Variants in TCHH observed in about 807,000 individuals in gnomAD.
The protein encoded by TCHH is trichohyalin.
Under a neutral mutation model 6.3 loss-of-function variants are expected in TCHH, and 6 were observed. The observed-to-expected ratio is 0.95, with a 90% CI of 0.52 to 1.88. The LOEUF (loss-of-function observed/expected upper bound fraction) is 1.88, where lower values mean the gene tolerates loss of function less well. Among genes scored for constraint, TCHH ranks in the 40% most tolerant of loss-of-function variants. The pLI is 0.01. For missense variants in TCHH, 2,920 were observed against 2,449.1 expected (o/e 1.19, Z -4.06); for synonymous variants, 1,087 against 963.6 (o/e 1.13, Z -2.37).
chr1:152,109,408 A>T lies in TCHH; in HGVS notation c.3809T>A (p.Leu1270Gln). ...ATCTCGCTCTTGCTGTTCACCCAGCAGGTGCTGCAGATCTTGCTGGGATTG... is the reference window on the plus strand; with the variant it reads ...ATCTCGCTCTTGCTGTTCACCCAGCTGGTGCTGCAGATCTTGCTGGGATTG... The part of the protein sequence containing the change: ...DRQSQQDLQH[L>Q]LGEQQERDRE... The change falls in exon 3 of 3, where the codon CTG becomes CAG. Residue 1270 changes from leucine (L) to glutamine (Q), a missense_variant. Leu to Gln is a moderately radical substitution (Grantham distance 113). Transcript: ENST00000614923. 6.2e-7 allele frequency: 1 copy of T among 1,613,520 alleles called. No homozygotes were observed. The highest frequency in any genetic ancestry group is 8.5e-7 in the Non-Finnish European group (1 of 1,179,474).
At position 152,109,236 on chromosome 1, in the gene TCHH, C is replaced by G; in HGVS notation, c.3981G>C (p.Glu1327Asp). Reference protein sequence around the residue: ...EKQLLREEREEKRRRQETDRK... With the variant: ...EKQLLREEREDKRRRQETDRK... ...TGTCTGTCTCTTGACGGCGTCTCTT[C>G]TCTTCTCTTTCCTCTCTCAGCAACT... Residue 1327 changes from glutamate to aspartate, a missense_variant, in exon 3 of 3, where the codon GAG (glutamate) becomes GAC (aspartate). Glu to Asp is a conservative substitution (Grantham distance 45). Coordinates refer to ENST00000614923, the MANE Select transcript of TCHH (RefSeq NM_007113.4). 1 of 1,614,248 alleles carries G rather than the reference C, an allele frequency of 6.2e-7. No individual in the cohort carries two copies. Among genetic ancestry groups the G allele is most frequent in the South Asian group, 1.1e-5 (1 of 91,088 alleles).
intron 2 of TCHH, among the ~76,000 whole-genome samples, chr1:152,113,736 G>C (rs1171603525): frequency 6.6e-6 from 1 of 152,172 alleles, no homozygotes; most frequent in East Asian, 1.9e-4. Flanking sequence ...CATTCACATG[G>C]CCATGCCATC....
At position 152,110,009 on chromosome 1, in the gene TCHH, T is replaced by C. The variant is rs1658270038; in HGVS notation, c.3208A>G (p.Thr1070Ala). Reference protein sequence around the residue: ...EEQLLGEERETRRRQELERQY... With the variant: ...EEQLLGEEREARRRQELERQY... ...CTCTCCAGCTCCTGGCGCCTTCTCG[T>C]CTCCCGTTCCTCTCCCAGCAGCTGC... is the stretch of plus-strand genomic sequence containing the variant. The change falls in exon 3 of 3, where the codon ACG becomes GCG. Residue 1070 changes from threonine (T) to alanine (A), a missense_variant. Thr to Ala is a moderately conservative substitution (Grantham distance 58). Transcript: ENST00000614923. 6.5e-7 allele frequency: 1 copy of C among 1,536,176 alleles called. No homozygotes were observed. The highest frequency in any genetic ancestry group is 1.9e-5 in the Admixed American group (1 of 52,842).
In TCHH at chr1:152,109,808, C is replaced by T; in HGVS notation, c.3409G>A (p.Glu1137Lys). Reference sequence around the variant, plus strand: ...TCCTCTTCCTCCCGATATTGCCTCTCCAGCTCCTGGCGCCTTCTCTTCTCC... The same window carrying T: ...TCCTCTTCCTCCCGATATTGCCTCTTCAGCTCCTGGCGCCTTCTCTTCTCC... The part of the protein sequence containing the change: ...EREKRRRQEL[E>K]RQYREEEEVQ... Residue 1137 changes from glutamate (E) to lysine (K), a missense_variant, in exon 3 of 3, where the codon GAG (glutamate) becomes AAG (lysine). Coordinates refer to ENST00000614923, the MANE Select transcript of TCHH (RefSeq NM_007113.4). 8 of 1,591,786 alleles carry T rather than the reference C, an allele frequency of 5.0e-6. No individual in the cohort carries two copies. Among genetic ancestry groups the T allele is most frequent in the Non-Finnish European group, 6.9e-6 (8 of 1,167,554 alleles).
rs1658429331 is a variant in TCHH at position 152,113,007 on chromosome 1, ATCGACACGCC to A, written c.200_209del (p.Gly67ValfsTer79). 6.2e-7 allele frequency: 1 copy of A among 1,614,074 alleles called. No individual in the cohort carries two copies. The highest frequency in any genetic ancestry group is 1.3e-5 in the African/African-American group (1 of 75,016). The stretch of plus-strand genomic sequence containing the variant: ...AAATAAATAGGAGGAATTCGTTGAA[ATCGACACGCC>A]CATTACTGTCAAGATCCAGAAGTTC... On this transcript the variant is annotated frameshift_variant, in exon 3 of 3. Transcript: ENST00000614923. LOFTEE classifies it low-confidence loss of function (END_TRUNC).
In TCHH at chr1:152,112,300, A is replaced by T. The variant is rs1485402020; in HGVS notation, c.917T>A (p.Leu306Gln). The T allele has an allele frequency of 6.3e-7, 1 of 1,598,600 alleles. No homozygotes were observed. Among genetic ancestry groups the T allele is most frequent in the Admixed American group, 1.7e-5 (1 of 58,258 alleles). The change falls in exon 3 of 3, where the codon CTA becomes CAA. Residue 306 changes from leucine (L) to glutamine (Q), a missense_variant. By Grantham distance (113) the Leu-to-Gln change is moderately radical. Coordinates refer to ENST00000614923, the MANE Select transcript of TCHH (RefSeq NM_007113.4). ...CCTCTCCTCCTCCTGCTTGCGCCTT[A>T]GTTGCTGCTCGCGCCTCAGCCTTTG... ...QQQRLRREQQLRRKQEEERRE... is the reference protein window; with the variant it reads ...QQQRLRREQQQRRKQEEERRE...
At position 152,108,937 on chromosome 1, in the gene TCHH, T is replaced by C; in HGVS notation, c.4280A>G (p.Glu1427Gly). ...REEEQQLSRQ[E>G]RDRKFREEEQ... ...CTCTTCACGGAATTTTCTGTCACGCTCTTGGCGGCTCAGCTGCTGTTCCTC... is the reference window on the plus strand; with the variant it reads ...CTCTTCACGGAATTTTCTGTCACGCCCTTGGCGGCTCAGCTGCTGTTCCTC... The change falls in exon 3 of 3, where the codon GAG (glutamate) becomes GGG (glycine). Residue 1427 changes from glutamate (E) to glycine (G), a missense_variant. Transcript: ENST00000614923. 1 of 1,613,724 alleles carries C rather than the reference T, an allele frequency of 6.2e-7. No individual in the cohort carries two copies. Among genetic ancestry groups the C allele is most frequent in the Non-Finnish European group, 8.5e-7 (1 of 1,179,892 alleles).
intron 2 of TCHH, 103 bp downstream of exon 2, chr1:152,113,840 G>T: frequency 7.5e-7 from 1 of 1,336,716 alleles, no homozygotes; most frequent in Non-Finnish European, 1.0e-6. Context: ...GACCTGTTGT[G>T]GTGTAAAATG....
Position 152,107,490 on chromosome 1 carries a change from A to G in TCHH, c.5727T>C (p.His1909=), listed in dbSNP as rs1343713857. 4.3e-6 allele frequency: 7 copies of G among 1,614,232 alleles called. No individual in the cohort carries two copies. Among genetic ancestry groups the G allele is most frequent in the South Asian group, 1.1e-5 (1 of 91,084 alleles). The change falls in exon 3 of 3, where the codon CAT becomes CAC. Residue 1909 remains histidine, a synonymous_variant. Transcript: ENST00000614923. ...GAGTGCCGGGCTCCAGAAGCCGCCC[A>G]TGGCCCTTCCCTTCTTGGGATTTTA... is the stretch of plus-strand genomic sequence containing the variant. ...GEIKSQEGKG[H]GRLLEPGTHQ...
chr1:152,107,045 T>C lies in TCHH; in HGVS notation c.*340A>G, dbSNP rs1460718841. On this transcript the variant is annotated 3_prime_UTR_variant, in exon 3 of 3. Coordinates refer to ENST00000614923, the MANE Select transcript of TCHH (RefSeq NM_007113.4). ...CATTGTTTAGAATCTCAAATCATCCTATTACTCTTGTTACTTCTGAAAGCA... is the reference window on the plus strand; with the variant it reads ...CATTGTTTAGAATCTCAAATCATCCCATTACTCTTGTTACTTCTGAAAGCA... 1 of 190,248 alleles carries C rather than the reference T, an allele frequency of 5.3e-6. No homozygotes were observed. The highest frequency in any genetic ancestry group is 2.3e-5 in the African/African-American group (1 of 42,744). The allele number at this position is 190,248 out of a possible 1,614,324, so 11.8% of individuals were successfully genotyped here.
rs1557813359 is a variant in TCHH at position 152,112,619 on chromosome 1, C to T, written c.598G>A (p.Glu200Lys). 1.2e-6 allele frequency: 2 copies of T among 1,613,734 alleles called. No homozygotes were observed. Among genetic ancestry groups the T allele is most frequent in the African/African-American group, 1.3e-5 (1 of 74,974 alleles). Residue 200 changes from glutamate (E) to lysine (K), a missense_variant, in exon 3 of 3, where the codon GAA becomes AAA. Transcript: ENST00000614923. Reference protein sequence around the residue: ...EEQLQSCKGHETEEFPDEEQL... With the variant: ...EEQLQSCKGHKTEEFPDEEQL... Reference sequence around the variant, plus strand: ...TCTTCGTCTGGAAACTCCTCAGTTTCGTGACCTTTGCAACTCTGCAGCTGC... The same window carrying T: ...TCTTCGTCTGGAAACTCCTCAGTTTTGTGACCTTTGCAACTCTGCAGCTGC...
At chr1:152,113,351 G>T (rs1658437365) in intron 2 of TCHH, among the ~76,000 whole-genome samples, 1 of 152,196 alleles carries the variant, frequency 6.6e-6, no homozygotes, top group Non-Finnish European at 1.5e-5. Context: ...TAGCAGGTAA[G>T]CCTACGCACC....
intron 1 of TCHH, 64 bp from the exon 2 acceptor site, chr1:152,114,175 A>G: frequency 8.3e-7 from 1 of 1,210,014 alleles, no homozygotes; most frequent in Non-Finnish European, 1.1e-6. Flanking sequence ...GGCTTCATTC[A>G]CACTATTTCA....
chr1:152,110,762 G>C lies in TCHH; in HGVS notation c.2455C>G (p.Gln819Glu). The C allele has an allele frequency of 6.2e-7, 1 of 1,608,016 alleles. No individual in the cohort carries two copies. Among genetic ancestry groups the C allele is most frequent in the Middle Eastern group, 1.6e-4 (1 of 6,062 alleles). The change falls in exon 3 of 3, where the codon CAG (glutamine) becomes GAG (glutamate). Residue 819 changes from glutamine (Q) to glutamate (E), a missense_variant. By Grantham distance (29) the Gln-to-Glu change is conservative. Coordinates refer to ENST00000614923, the MANE Select transcript of TCHH (RefSeq NM_007113.4). ...RFLPEEEEKE[Q>E]RRRQRREREK... is the part of the protein sequence containing the mutation. The stretch of plus-strand genomic sequence containing the variant: ...CTCTCGCGTCGCTGGCGGCGCCGCT[G>C]CTCCTTCTCCTCCTCCTCCGGGAGA...
chr1:152,113,855 TA>T lies in TCHH; in HGVS notation c.138+87del, dbSNP rs1658447007. ...GACCTGTTGTGGTGTAAAATGAATATAAAACCACCATTCCTTGCTCTGGTCT... is the reference window on the plus strand; with the variant it reads ...GACCTGTTGTGGTGTAAAATGAATATAAACCACCATTCCTTGCTCTGGTCT... On this transcript the variant is annotated intron_variant, in intron 2 of 2. Transcript: ENST00000614923. 5.4e-6 allele frequency: 8 copies of T among 1,492,178 alleles called. No homozygotes were observed. The East Asian group carries it at 1.8e-4, about 34-fold the overall frequency. The allele number at this position is 1,492,178 out of a possible 1,614,324, so 92.4% of individuals were successfully genotyped here. A position where few individuals can be genotyped will look rare whatever the true frequency, so the allele number is the denominator to read the frequency against.
Position 152,111,003 on chromosome 1 carries a change from C to A in TCHH, c.2214G>T (p.Lys738Asn). ...GCAGCTCACTCTCCCGGCGCCGCCT[C>A]TTTTCCTCCTGCTCTTGGCGGCGCC... ...GQRRRQEQEE[K>N]RRRRESELQW... Residue 738 changes from lysine to asparagine, a missense_variant, in exon 3 of 3, where the codon AAG (lysine) becomes AAT (asparagine). By Grantham distance (94) the Lys-to-Asn change is moderately conservative. Transcript: ENST00000614923. The A allele has an allele frequency of 1.2e-6, 2 of 1,613,614 alleles. No individual in the cohort carries two copies. The highest frequency in any genetic ancestry group is 1.7e-6 in the Non-Finnish European group (2 of 1,180,028).
At position 152,107,660 on chromosome 1, in the gene TCHH, T is replaced by G. The variant is rs745741658; in HGVS notation, c.5557A>C (p.Thr1853Pro). ...RQYRAEEQFA[T>P]QEKSRREEQE... ...TCCTCACGACGACTCTTCTCCTGCGTGGCAAACTGCTCCTCCGCCCGGTAC... is the reference window on the plus strand; with the variant it reads ...TCCTCACGACGACTCTTCTCCTGCGGGGCAAACTGCTCCTCCGCCCGGTAC... The change falls in exon 3 of 3, where the codon ACG becomes CCG. Residue 1853 changes from threonine to proline, a missense_variant. Thr to Pro is a conservative substitution (Grantham distance 38). Coordinates refer to ENST00000614923, the MANE Select transcript of TCHH (RefSeq NM_007113.4). 3.7e-6 allele frequency: 6 copies of G among 1,613,900 alleles called. No homozygotes were observed. Among genetic ancestry groups the G allele is most frequent in the Non-Finnish European group, 5.1e-6 (6 of 1,180,046 alleles).
chr1:152,107,724 C>T lies in TCHH; in HGVS notation c.5493G>A (p.Glu1831=). The T allele has an allele frequency of 1.9e-6, 3 of 1,614,234 alleles. No individual in the cohort carries two copies. The highest frequency in any genetic ancestry group is 2.5e-6 in the Non-Finnish European group (3 of 1,180,044). ...YRWEEEQLQL[E]EQEQRLRQER... ...CCTGCCGCAGCCTCTGCTCTTGTTC[C>T]TCAAGTTGGAGCTGCTCTTCTTCCC... The change falls in exon 3 of 3, where the codon GAG becomes GAA. Residue 1831 remains glutamate (E), a synonymous_variant. Transcript: ENST00000614923.
In TCHH at chr1:152,111,648, C is replaced by G. The variant is rs1030525219; in HGVS notation, c.1569G>C (p.Glu523Asp). Residue 523 changes from glutamate to aspartate, a missense_variant, in exon 3 of 3, where the codon GAG becomes GAC. Glu to Asp is a conservative substitution (Grantham distance 45). Transcript: ENST00000614923. Reference protein sequence around the residue: ...ERREQRLKRQEEEERLQQRLR... With the variant: ...ERREQRLKRQDEEERLQQRLR... The stretch of plus-strand genomic sequence containing the variant: ...ACCGCTGCTGGAGCCTCTCTTCCTC[C>G]TCCTGGCGCTTCAGCCGCTGCTCGC... 2 of 1,609,962 alleles carry G rather than the reference C, an allele frequency of 1.2e-6. No homozygotes were observed. Among genetic ancestry groups the G allele is most frequent in the Non-Finnish European group, 1.7e-6 (2 of 1,178,646 alleles).
Sources: allele counts gnomAD v4.1 joint callset (sites outside exome capture counted in the v4.1 genomes callset), GRCh38; gene constraint gnomAD v4.1.1; transcripts MANE v1.5; gene names NCBI Gene and HGNC (gene_info 2026-07-23, HGNC 2026-07-21).